ADAMTS18: variants seen among roughly 807,000 people sequenced by gnomAD.
The protein encoded by ADAMTS18 is A disintegrin and metalloproteinase with thrombospondin motifs 18.
A neutral mutation model predicts 165.9 loss-of-function variants in ADAMTS18; 157 were observed. That is an observed-to-expected ratio of 0.95 (90% confidence interval 0.83 to 1.08). The LOEUF (loss-of-function observed/expected upper bound fraction) is 1.08. ADAMTS18 is among the 50% of genes least tolerant of loss of function. ADAMTS18 has a pLI of 0.00. For synonymous variants in ADAMTS18, 782 were observed against 578.2 expected (o/e 1.35, Z -5.06); for missense variants, 2,040 against 1,534.0 (o/e 1.33, Z -5.51).
chr16:77,364,792 C>T (rs55817541), intron 4 of ADAMTS18, among the ~76,000 whole-genome samples: 2 of 147,654 alleles, frequency 1.4e-5, no homozygotes, highest in African/African-American at 5.2e-5. Context: ...CAAAGCAAAG[C>T]AAAGGAAAGA....
At chr16:77,311,276 T>G (rs2055775023) in intron 16 of ADAMTS18, among the ~76,000 whole-genome samples, 1 of 152,204 alleles carries the variant, frequency 6.6e-6, no homozygotes, top group Non-Finnish European at 1.5e-5. Flanking sequence ...TGGAACAGCA[T>G]TTTTCATTTT....
chr16:77,308,022 T>G (rs2144609797), intron 16 of ADAMTS18, among the ~76,000 whole-genome samples: 1 of 152,264 alleles, frequency 6.6e-6, no homozygotes, highest in Non-Finnish European at 1.5e-5. Context: ...CTTCTTGCCT[T>G]GAAACTAGGC....
intron 3 of ADAMTS18, among the ~76,000 whole-genome samples, chr16:77,375,500 G>A (rs534412796): frequency 3.7e-4 from 57 of 152,306 alleles, no homozygotes; most frequent in Non-Finnish European, 6.0e-4. Flanking sequence ...CTTTTCTGAG[G>A]AGGCATTTCT....
At chr16:77,395,367 C>T (rs983317775) in intron 3 of ADAMTS18, among the ~76,000 whole-genome samples, 1 of 152,134 alleles carries the variant, frequency 6.6e-6, no homozygotes, top group African/African-American at 2.4e-5. Context: ...CTGTGTGGCT[C>T]CATCATGGTA....
chr16:77,402,890 T>C (rs755866623), intron 3 of ADAMTS18, among the ~76,000 whole-genome samples: 5 of 152,314 alleles, frequency 3.3e-5, no homozygotes, highest in Non-Finnish European at 5.9e-5. Context: ...AGCTTCCTCA[T>C]GGGAAATGCC....
intron 3 of ADAMTS18, among the ~76,000 whole-genome samples, chr16:77,419,915 C>A (rs1483216646): frequency 3.4e-5 from 5 of 147,850 alleles, no homozygotes; most frequent in African/African-American, 1.2e-4. Context: ...AGGAGAATTG[C>A]TTGAACCCAG....
intron 16 of ADAMTS18, among the ~76,000 whole-genome samples, chr16:77,306,686 G>A (rs112896009): frequency 1.1e-3 from 170 of 152,182 alleles, no homozygotes; most frequent in African/African-American, 4.0e-3. Context: ...GTATTCGATT[G>A]CTTTAAAATT....
chr16:77,337,908 C>CT (rs10679600), intron 11 of ADAMTS18, among the ~76,000 whole-genome samples: 58,451 of 140,736 alleles, frequency 0.42, 13,461 homozygotes, highest in East Asian at 0.81. Context: ...CTTTTCTTTT[C>CT]TTTTTTTTTT....
At chr16:77,334,037 T>G (rs1316105239) in intron 12 of ADAMTS18, among the ~76,000 whole-genome samples, 2 of 136,656 alleles carry the variant, frequency 1.5e-5, no homozygotes, top group African/African-American at 5.5e-5. Flanking sequence ...GTGCAATATA[T>G]GCTATATATA....
chr16:77,363,541 T>C (rs1395336252), intron 6 of ADAMTS18, among the ~76,000 whole-genome samples: 3 of 150,808 alleles, frequency 2.0e-5, no homozygotes, highest in Non-Finnish European at 4.4e-5. Context: ...TATCTATTTG[T>C]ATATTATTTA....
At position 77,283,658 on chromosome 16, in the gene ADAMTS18, C is replaced by T. The variant is rs901158913; in HGVS notation, c.*298G>A. ...TTCAAAAGGGGGTCTCTCCCCAAAT[C>T]GACGTATCTCAGTGTGATTCACCAC... On this transcript the variant is annotated 3_prime_UTR_variant, in exon 23 of 23. Transcript: ENST00000282849. 2 of 348,606 alleles carry T rather than the reference C, an allele frequency of 5.7e-6. No individual in the cohort carries two copies. The highest frequency in any genetic ancestry group is 2.9e-5 in the South Asian group (1 of 34,698). The allele number at this position is 348,606 out of a possible 1,614,324, so 21.6% of individuals were successfully genotyped here. A position where few individuals can be genotyped will look rare whatever the true frequency, so the allele number is the denominator to read the frequency against.
chr16:77,363,029 T>C (rs975873089), intron 6 of ADAMTS18, among the ~76,000 whole-genome samples: 2 of 152,212 alleles, frequency 1.3e-5, no homozygotes, highest in African/African-American at 4.8e-5. Flanking sequence ...TCAACTTTTG[T>C]CTTGTCTGTG....
chr16:77,363,273 GT>G (rs1447173212), intron 6 of ADAMTS18, among the ~76,000 whole-genome samples: 3 of 152,126 alleles, frequency 2.0e-5, no homozygotes, highest in African/African-American at 7.2e-5. Flanking sequence ...TCCAAGGACA[GT>G]TAAATATCCC....
At chr16:77,417,909 T>G (rs181785728) in intron 3 of ADAMTS18, among the ~76,000 whole-genome samples, 10 of 152,312 alleles carry the variant, frequency 6.6e-5, no homozygotes, top group African/African-American at 2.4e-4. Context: ...CTCCTATTCT[T>G]ACAGGTCAAG....
At chr16:77,409,222 T>C (rs2057430578) in intron 3 of ADAMTS18, among the ~76,000 whole-genome samples, 1 of 152,166 alleles carries the variant, frequency 6.6e-6, no homozygotes, top group South Asian at 2.1e-4. Flanking sequence ...CCATTAATTA[T>C]TTTTAAAGCA....
At position 77,367,468 on chromosome 16, in the gene ADAMTS18, G is replaced by A; in HGVS notation, c.751C>T (p.Gln251Ter). 2 of 1,614,194 alleles carry A rather than the reference G, an allele frequency of 1.2e-6. No individual in the cohort carries two copies. The highest frequency in any genetic ancestry group is 1.7e-6 in the Non-Finnish European group (2 of 1,180,034). ...TEYHHRRLQK[Q>*]HFCGRRKKYA... ...TTCTTGCGTCGTCCACAAAAATGCTGCTTTTGCAACCTTCGATGGTGATAC... is the reference window on the plus strand; with the variant it reads ...TTCTTGCGTCGTCCACAAAAATGCTACTTTTGCAACCTTCGATGGTGATAC... The change falls in exon 4 of 23, where the codon CAG becomes TAG. Residue 251 changes from glutamine (Q) to a stop codon, truncating the protein, a stop_gained. Transcript: ENST00000282849. LOFTEE classifies it high-confidence loss of function.
rs144947524 is a variant in ADAMTS18 at position 77,319,897 on chromosome 16, C to T, written c.2484G>A (p.Pro828=). 6.4e-4 allele frequency: 1,036 copies of T among 1,614,086 alleles called. 5 individuals are homozygous for T. The highest frequency in any genetic ancestry group is 3.8e-3 in the South Asian group (345 of 91,078). The change falls in exon 16 of 23, where the codon CCG becomes CCA. Residue 828 remains proline (P), a synonymous_variant. Coordinates refer to ENST00000282849, the MANE Select transcript of ADAMTS18 (RefSeq NM_199355.4). ...TFEYQRSFNR[P]ERLYAPGPTN... is the part of the protein sequence containing the mutation. ...TGGGCCCTGGCGCGTACAGACGTTCCGGGCGGTTGAAAGAGCGCTGGTATT... is the reference window on the plus strand; with the variant it reads ...TGGGCCCTGGCGCGTACAGACGTTCTGGGCGGTTGAAAGAGCGCTGGTATT...
At chr16:77,417,271 T>G (rs1440867095) in intron 3 of ADAMTS18, among the ~76,000 whole-genome samples, 7 of 151,404 alleles carry the variant, frequency 4.6e-5, no homozygotes, top group Non-Finnish European at 8.8e-5. Context: ...GGTGGGTGGG[T>G]GGATAGCTGG....
intron 21 of ADAMTS18, chr16:77,290,988 G>A (rs1019777674): frequency 7.5e-6 from 3 of 401,014 alleles, no homozygotes; most frequent in Non-Finnish European, 1.4e-5. Flanking sequence ...CATTAGCAGT[G>A]TATAACTGGC....
Sources: gnomAD v4.1 joint callset for allele counts (sites outside exome capture counted in the v4.1 genomes callset) on GRCh38, gnomAD v4.1.1 for gene constraint, MANE v1.5 for transcripts, NCBI Gene and HGNC (gene_info 2026-07-23, HGNC 2026-07-21) for gene names.